The following USP15 variants were observed in gnomAD, a reference collection of about 807,000 sequenced individuals.
The protein encoded by USP15 is ubiquitin carboxyl-terminal hydrolase 15.
USP15 carries 18 observed loss-of-function variants against 127.1 expected under a neutral mutation model. That is an observed-to-expected ratio of 0.14 (90% CI 0.10 to 0.21). The LOEUF (loss-of-function observed/expected upper bound fraction) is 0.21, where lower values mean the gene tolerates loss of function less well. Among genes scored for constraint, USP15 ranks in the 10% least tolerant of loss-of-function variants. The pLI, the probability that USP15 is intolerant of heterozygous loss-of-function variation, is 1.00. For synonymous variants in USP15, 364 were observed against 393.7 expected (o/e 0.92, Z 0.89); for missense variants, 805 against 1,159.9 (o/e 0.69, Z 4.44).
chr12:62,378,595 A>C (rs1180357991), intron 8 of USP15, among the ~76,000 whole-genome samples: 1 of 152,182 alleles, frequency 6.6e-6, no homozygotes, highest in Non-Finnish European at 1.5e-5. Flanking sequence ...AGCATGTATC[A>C]CTGTGAAAAT....
intron 6 of USP15, chr12:62,336,184 C>T (rs2065457497): frequency 1.0e-6 from 1 of 985,390 alleles, no homozygotes; most frequent in Non-Finnish European, 1.2e-6. Flanking sequence ...TGATTCTATG[C>T]TAATCCTCTC....
chr12:62,276,647 A>G lies in USP15; in HGVS notation c.89+16144A>G, dbSNP rs976532806. Among the ~76,000 whole-genome samples, 4 of 152,104 alleles carry G rather than the reference A, an allele frequency of 2.6e-5. No individual in the cohort carries two copies. In the East Asian group the frequency reaches 5.8e-4, roughly 22 times the overall value. On this transcript the variant is annotated intron_variant, in intron 1 of 21. Transcript: ENST00000280377. Reference sequence around the variant, plus strand: ...AGTTACCAAAAGGAAGTATTTTCTCAGGAATGAATACACTACCGTATATCA... The same window carrying G: ...AGTTACCAAAAGGAAGTATTTTCTCGGGAATGAATACACTACCGTATATCA...
intron 1 of USP15, among the ~76,000 whole-genome samples, chr12:62,280,024 A>T (rs955451078): frequency 3.9e-5 from 6 of 152,150 alleles, no homozygotes; most frequent in African/African-American, 1.4e-4. Flanking sequence ...CTGTGTGTAT[A>T]TATACTCCAT....
chr12:62,312,870 TA>T (rs2064723716), intron 3 of USP15, among the ~76,000 whole-genome samples: 1 of 151,640 alleles, frequency 6.6e-6, no homozygotes, highest in Admixed American at 6.6e-5. Flanking sequence ...GGAGATTATA[TA>T]AGCAAATAAT....
intron 6 of USP15, among the ~76,000 whole-genome samples, chr12:62,341,997 AGT>A (rs1319913762): frequency 5.9e-5 from 9 of 152,088 alleles, no homozygotes; most frequent in African/African-American, 2.2e-4. Flanking sequence ...GTCTCTCTGA[AGT>A]GTGTTTTCCA....
intron 8 of USP15, chr12:62,374,330 T>C (rs1018579716): frequency 1.0e-6 from 1 of 962,158 alleles, no homozygotes; most frequent in African/African-American, 1.8e-5. Flanking sequence ...ATAGAATGAG[T>C]TACACAACTC....
chr12:62,314,118 A>T (rs2064760405), intron 3 of USP15: 1 of 605,368 alleles, frequency 1.7e-6, no homozygotes, highest in Non-Finnish European at 2.1e-6. Flanking sequence ...CATGCTTAAC[A>T]GCTTTCTTTT....
At chr12:62,326,432 C>T (rs1280499516) in intron 6 of USP15, among the ~76,000 whole-genome samples, 1 of 152,178 alleles carries the variant, frequency 6.6e-6, no homozygotes, top group Admixed American at 6.5e-5. Context: ...AATAGATCTA[C>T]ACTCCATTAT....
chr12:62,367,789 G>A (rs1565891393), intron 8 of USP15, among the ~76,000 whole-genome samples: 1 of 151,884 alleles, frequency 6.6e-6, no homozygotes, highest in Non-Finnish European at 1.5e-5. Flanking sequence ...TTTTTGAAAG[G>A]TTTTTCGTGT....
chr12:62,348,215 G>A (rs7132814), intron 6 of USP15, among the ~76,000 whole-genome samples: 50,929 of 151,858 alleles, frequency 0.34, 9,142 homozygotes, highest in African/African-American at 0.47. Context: ...CTCTAAAAAA[G>A]TAAATAAAAA....
intron 1 of USP15, among the ~76,000 whole-genome samples, chr12:62,282,960 TTAATGTTATCTC>T (rs1215896927): frequency 1.3e-5 from 2 of 152,232 alleles, no homozygotes; most frequent in African/African-American, 4.8e-5. Context: ...AACTGTAGTA[TTAATGTTATCTC>T]AAGTCCATAT....
At chr12:62,341,069 C>G (rs188124719) in intron 6 of USP15, among the ~76,000 whole-genome samples, 122 of 152,152 alleles carry the variant, frequency 8.0e-4, no homozygotes, top group African/African-American at 2.8e-3. Flanking sequence ...TATATTGGGT[C>G]CACATATATT....
intron 7 of USP15, among the ~76,000 whole-genome samples, chr12:62,350,337 T>C (rs939853873): frequency 6.6e-6 from 1 of 152,132 alleles, no homozygotes; most frequent in African/African-American, 2.4e-5. Context: ...AAACAGATCT[T>C]TGTATAAAAA....
chr12:62,285,765 T>C (rs1174310294), intron 1 of USP15, among the ~76,000 whole-genome samples: 1 of 152,220 alleles, frequency 6.6e-6, no homozygotes, highest in African/African-American at 2.4e-5. Flanking sequence ...AGGTGTCTTT[T>C]TGATAGAATG....
At chr12:62,260,811 G>A (rs1290569056) in intron 1 of USP15, among the ~76,000 whole-genome samples, 1 of 152,106 alleles carries the variant, frequency 6.6e-6, no homozygotes, top group Non-Finnish European at 1.5e-5. Flanking sequence ...AGGCCTTCCC[G>A]AATGATAGGT....
rs1312632177 is a variant in USP15 at position 62,413,937 on chromosome 12, G to A, written c.*9562G>A. 1 of 152,152 alleles carries A rather than the reference G, an allele frequency of 6.6e-6. No individual in the cohort carries two copies. Among genetic ancestry groups the A allele is most frequent in the Non-Finnish European group, 1.5e-5 (1 of 68,034 alleles). 9.4% of individuals were successfully genotyped at this position (152,152 alleles called of 1,614,324 possible). A position where few individuals can be genotyped will look rare whatever the true frequency, so the allele number is the denominator to read the frequency against. On this transcript the variant is annotated 3_prime_UTR_variant, in exon 22 of 22. Coordinates refer to ENST00000280377, the MANE Select transcript of USP15 (RefSeq NM_001252078.2). Reference sequence around the variant, plus strand: ...ATTGAGAGAGAGAGAGAGATGTACAGCTCTTCACCTGAACATTTAGAGGCC... The same window carrying A: ...ATTGAGAGAGAGAGAGAGATGTACAACTCTTCACCTGAACATTTAGAGGCC...
At chr12:62,279,643 T>C (rs1388628540) in intron 1 of USP15, among the ~76,000 whole-genome samples, 5 of 152,194 alleles carry the variant, frequency 3.3e-5, no homozygotes, top group African/African-American at 1.2e-4. Context: ...TTTGTTTTTT[T>C]CAATAATAGC....
intron 1 of USP15, among the ~76,000 whole-genome samples, chr12:62,292,251 A>G (rs1022462477): frequency 1.3e-5 from 2 of 152,252 alleles, no homozygotes; most frequent in Non-Finnish European, 2.9e-5. Context: ...CAGGTTGTTC[A>G]GTTCTCTTAG....
chr12:62,310,219 A>G (rs1290218402), intron 3 of USP15, among the ~76,000 whole-genome samples: 1 of 151,962 alleles, frequency 6.6e-6, no homozygotes, highest in Non-Finnish European at 1.5e-5. Flanking sequence ...TGTTACATAT[A>G]TATAATAAGT....
Sources: gnomAD v4.1 joint callset for allele counts (sites outside exome capture counted in the v4.1 genomes callset) on GRCh38, gnomAD v4.1.1 for gene constraint, MANE v1.5 for transcripts, NCBI Gene and HGNC (gene_info 2026-07-23, HGNC 2026-07-21) for gene names.